LNX1: variants seen among roughly 807,000 people sequenced by gnomAD.
The protein encoded by LNX1 is ligand of numb-protein X 1.
Under a neutral mutation model 68.4 loss-of-function variants are expected in LNX1, and 54 were observed. The observed-to-expected ratio is 0.79, with a 90% CI of 0.63 to 0.99. The LOEUF is 0.99. LNX1 is among the 50% of genes least tolerant of loss of function. The probability of loss-of-function intolerance (pLI) is 0.00; values close to 1 mark genes in which losing one functional copy is unlikely to be tolerated. For missense variants in LNX1, 906 were observed against 926.4 expected, an observed-to-expected ratio of 0.98 and a Z score of 0.29; for synonymous variants, 336 against 350.0, an observed-to-expected ratio of 0.96 and a Z score of 0.45.
chr4:53,607,715 T>A (rs964218854), intron 2 of LNX1, among the ~76,000 whole-genome samples: 1 of 152,020 alleles, frequency 6.6e-6, no homozygotes, highest in African/African-American at 2.4e-5. Context: ...TTACCCAACT[T>A]CAAACTATAG....
chr4:53,475,559 G>A (rs1455982374), intron 9 of LNX1, among the ~76,000 whole-genome samples: 3 of 152,146 alleles, frequency 2.0e-5, no homozygotes, highest in Admixed American at 6.6e-5. Context: ...CAAGAAAAAC[G>A]TACTAAAACT....
chr4:53,523,858 C>T (rs559863570), intron 2 of LNX1, among the ~76,000 whole-genome samples: 1 of 152,304 alleles, frequency 6.6e-6, no homozygotes, highest in African/African-American at 2.4e-5. Context: ...GTCCCACCAT[C>T]CTCCTGCTTC....
chr4:53,622,410 T>C (rs1280262283), upstream of LNX1, among the ~76,000 whole-genome samples: 1 of 152,164 alleles, frequency 6.6e-6, no homozygotes, highest in African/African-American at 2.4e-5. Context: ...AGTAAACCTC[T>C]GTTGCCACAC....
intron 9 of LNX1, among the ~76,000 whole-genome samples, chr4:53,464,973 T>TTGA (rs575344075): frequency 6.6e-6 from 1 of 152,170 alleles, no homozygotes; most frequent in African/African-American, 2.4e-5. Flanking sequence ...TGTAAGATGT[T>TTGA]TGATGATAAC....
chr4:53,578,020 G>A (rs1731609080), intron 1 of LNX1, among the ~76,000 whole-genome samples: 1 of 152,054 alleles, frequency 6.6e-6, no homozygotes, highest in Non-Finnish European at 1.5e-5. Flanking sequence ...AAATGGCATA[G>A]GAAACTGAAA....
At chr4:53,614,336 A>G (rs1201111860) in intron 2 of LNX1, among the ~76,000 whole-genome samples, 1 of 152,140 alleles carries the variant, frequency 6.6e-6, no homozygotes, top group African/African-American at 2.4e-5. Flanking sequence ...TTCCCCTCCC[A>G]TGACACACCA....
At chr4:53,554,618 C>T (rs1388579285) in intron 2 of LNX1, among the ~76,000 whole-genome samples, 1 of 152,152 alleles carries the variant, frequency 6.6e-6, no homozygotes, top group East Asian at 1.9e-4. Flanking sequence ...CTTTGGGAGG[C>T]CAAGGTGGGT....
chr4:53,485,516 G>A (rs751820609), intron 6 of LNX1, among the ~76,000 whole-genome samples: 1 of 152,200 alleles, frequency 6.6e-6, no homozygotes, highest in African/African-American at 2.4e-5. Context: ...GTATTAAGTT[G>A]TTGACAGGAA....
At chr4:53,620,677 C>T (rs1733838183), upstream of LNX1, among the ~76,000 whole-genome samples, 1 of 151,862 alleles carries the variant, frequency 6.6e-6, no homozygotes, top group Admixed American at 6.6e-5. Flanking sequence ...AGCAGAATTG[C>T]ACTTGTACCC....
intron 5 of LNX1, among the ~76,000 whole-genome samples, chr4:53,497,950 A>C (rs1479557810): frequency 6.6e-6 from 1 of 152,144 alleles, no homozygotes; most frequent in Non-Finnish European, 1.5e-5. Context: ...ACGAGCAGGG[A>C]GGGGTTTCTT....
intron 4 of LNX1, chr4:53,500,586 T>C (rs1172560605): frequency 6.6e-6 from 1 of 152,168 alleles, no homozygotes; most frequent in Non-Finnish European, 1.5e-5. Flanking sequence ...CAATAAAGAA[T>C]TAAAATTATT....
At chr4:53,564,979 A>T (rs527508159) in intron 2 of LNX1, among the ~76,000 whole-genome samples, 1 of 152,208 alleles carries the variant, frequency 6.6e-6, no homozygotes, top group Admixed American at 6.5e-5. Context: ...TATATCCCCC[A>T]CCTGGCTCGG....
rs1331524406 is a variant in LNX1, at chr4:53,496,424, A to G, written c.979-30T>C. ...GGGCAGGTGGAACAATCGTGCGGTC[A>G]GCTCCACCTGCCACAACCCTTCCTG... On this transcript the variant is annotated intron_variant, in intron 5 of 10. Transcript: ENST00000263925. 3.3e-6 allele frequency: 5 copies of G among 1,527,566 alleles called. No individual in the cohort carries two copies. The East Asian group carries it at 7.1e-5, about 22-fold the overall frequency. 94.6% of individuals were successfully genotyped at this position (1,527,566 alleles called of 1,614,324 possible). A position where few individuals can be genotyped will look rare whatever the true frequency, so the allele number is the denominator to read the frequency against.
intron 9 of LNX1, among the ~76,000 whole-genome samples, chr4:53,471,067 A>G (rs1723131127): frequency 1.3e-5 from 1 of 77,584 alleles, no homozygotes; most frequent in African/African-American, 4.5e-5. Flanking sequence ...AGCTGGAGGC[A>G]TCGCACTACC....
chr4:53,556,432 G>A (rs574983120), intron 2 of LNX1, among the ~76,000 whole-genome samples: 5 of 152,246 alleles, frequency 3.3e-5, no homozygotes, highest in South Asian at 2.1e-4. Context: ...GGGTTAATTC[G>A]TGACAGCAGC....
chr4:53,650,309 G>C (rs1735048246), intron 1 of LNX1, among the ~76,000 whole-genome samples: 1 of 152,228 alleles, frequency 6.6e-6, no homozygotes, highest in Non-Finnish European at 1.5e-5. Flanking sequence ...CAGAATTCCA[G>C]GAGCCAGCTC....
intron 6 of LNX1, among the ~76,000 whole-genome samples, chr4:53,490,763 A>G (rs1359879778): frequency 3.3e-5 from 5 of 152,218 alleles, no homozygotes; most frequent in Non-Finnish European, 7.3e-5. Flanking sequence ...GAGTCTCAAC[A>G]TTTGAAGGGT....
chr4:53,641,371 A>T (rs1484614493), intron 1 of LNX1, among the ~76,000 whole-genome samples: 1 of 152,258 alleles, frequency 6.6e-6, no homozygotes, highest in Non-Finnish European at 1.5e-5. Flanking sequence ...GCTTTCACCC[A>T]CCAATAAGCT....
At position 53,459,359 on chromosome 4, in the gene LNX1, C is replaced by T; in HGVS notation, c.*1548G>A. The T allele has an allele frequency of 6.3e-7, 1 of 1,585,180 alleles. No homozygotes were observed. The highest frequency in any genetic ancestry group is 2.3e-5 in the East Asian group (1 of 43,570). ...GAGATAGTCACAGGAGACACAAACA[C>T]AAAAAATCTAAAAGAAGCAAAGAAG... On this transcript the variant is annotated 3_prime_UTR_variant, in exon 11 of 11. Transcript: ENST00000263925.
Sources: allele counts gnomAD v4.1 joint callset (sites outside exome capture counted in the v4.1 genomes callset), GRCh38; gene constraint gnomAD v4.1.1; transcripts MANE v1.5; gene names NCBI Gene and HGNC (gene_info 2026-07-23, HGNC 2026-07-21).